PDE4D: variants seen among roughly 807,000 people sequenced by gnomAD.
The protein encoded by PDE4D is 3',5'-cyclic-AMP phosphodiesterase 4D.
A neutral mutation model predicts 87.4 loss-of-function variants in PDE4D; 24 were observed. The ratio of observed to expected loss-of-function variants is 0.27; its 90% confidence interval spans 0.20 to 0.39. The LOEUF is 0.39. Among genes scored for constraint, PDE4D ranks in the 10% least tolerant of loss-of-function variants. PDE4D has a pLI of 1.00. For synonymous variants in PDE4D, 384 were observed against 383.2 expected (o/e 1.00, Z -0.02); for missense variants, 714 against 1,041.0 (o/e 0.69, Z 4.32).
At chr5:59,371,755 G>C (rs1169434175) in intron 1 of PDE4D, among the ~76,000 whole-genome samples, 2 of 152,208 alleles carry the variant, frequency 1.3e-5, no homozygotes, top group Admixed American at 1.3e-4. Flanking sequence ...TATCTGGTGA[G>C]ACACAGTTAT....
At chr5:59,532,005 C>G (rs1026571093) in intron 1 of PDE4D, among the ~76,000 whole-genome samples, 4 of 152,124 alleles carry the variant, frequency 2.6e-5, no homozygotes, top group African/African-American at 9.7e-5. Context: ...CTTACAGCAG[C>G]ACCTGGTATA....
intron 1 of PDE4D, among the ~76,000 whole-genome samples, chr5:59,866,350 A>G (rs1445101319): frequency 6.6e-6 from 1 of 152,238 alleles, no homozygotes; most frequent in East Asian, 1.9e-4. Context: ...TAGTAAAAGA[A>G]ATAATGGTGT....
chr5:59,186,160 T>C (rs1377053687), intron 3 of PDE4D, among the ~76,000 whole-genome samples: 1 of 152,136 alleles, frequency 6.6e-6, no homozygotes, highest in Non-Finnish European at 1.5e-5. Context: ...GAGTGCTAAG[T>C]TTATGTAAAA....
chr5:60,050,243 C>A (rs1294463152), intron 2 of PDE4D, among the ~76,000 whole-genome samples: 1 of 152,154 alleles, frequency 6.6e-6, no homozygotes, highest in Admixed American at 6.5e-5. Context: ...TGCATGCACC[C>A]ACTGACCTGC....
chr5:59,126,142 AAAGGAAAAAAGGAAGGGAAGAAGGAAGG>A, intron 5 of PDE4D, among the ~76,000 whole-genome samples: 1 of 151,870 alleles, frequency 6.6e-6, no homozygotes, highest in East Asian at 1.9e-4. Context: ...AGCAAGGAAG[AAAGGAAAAAAGGAAGGGAAGAAGGAAGG>A]AAGGAAAAAA....
At chr5:59,117,983 T>C (rs1288563884) in intron 5 of PDE4D, among the ~76,000 whole-genome samples, 1 of 152,142 alleles carries the variant, frequency 6.6e-6, no homozygotes, top group Non-Finnish European at 1.5e-5. Context: ...GACTAAGTAA[T>C]TCATGACCTC....
intron 1 of PDE4D, among the ~76,000 whole-genome samples, chr5:59,523,102 T>A (rs1812519413): frequency 6.6e-6 from 1 of 152,212 alleles, no homozygotes; most frequent in Non-Finnish European, 1.5e-5. Flanking sequence ...TGGCTCACTA[T>A]CTTCTGCTTC....
chr5:59,523,881 C>T (rs1159030117), intron 1 of PDE4D, among the ~76,000 whole-genome samples: 1 of 152,144 alleles, frequency 6.6e-6, no homozygotes, highest in African/African-American at 2.4e-5. Context: ...TTTTCCCCTC[C>T]ACTCTGCACT....
rs182720631 is a variant in PDE4D at position 59,669,897 on chromosome 5, A to G, written c.455+223271T>C. Reference sequence around the variant, plus strand: ...TCAGTGCCACCATTTAAAACACAGCATTTTGGGCATGATTTCATTTAACCC... The same window carrying G: ...TCAGTGCCACCATTTAAAACACAGCGTTTTGGGCATGATTTCATTTAACCC... On this transcript the variant is annotated intron_variant, in intron 1 of 14. Coordinates refer to ENST00000340635, the MANE Select transcript of PDE4D (RefSeq NM_001104631.2). 3.5e-3 allele frequency among the ~76,000 whole-genome samples: 536 copies of G among 152,284 alleles called. 3 individuals carry two copies. Among genetic ancestry groups the G allele is most frequent in the African/African-American group, 0.012 (514 of 41,568 alleles).
At position 60,265,504 on chromosome 5, in the gene PDE4D, G is replaced by T. The variant is rs183733252; in HGVS notation, c.-89-79817C>A. ...AGGGAAATTTGTGGTCAGGCTGTCT[G>T]ATGAGCTCTTGGTTTTACCTTTTAC... On this transcript the variant is annotated intron_variant, in intron 1 of 16. Transcript: ENST00000502484. 3.9e-5 allele frequency among the ~76,000 whole-genome samples: 6 copies of T among 152,264 alleles called. No homozygotes were observed. In the East Asian group the frequency reaches 1.2e-3, roughly 29 times the overall value.
chr5:59,116,289 T>C (rs965543569), intron 5 of PDE4D, among the ~76,000 whole-genome samples: 1 of 152,158 alleles, frequency 6.6e-6, no homozygotes, highest in African/African-American at 2.4e-5. Context: ...AGGAAGCTCA[T>C]CCCTTGGATT....
chr5:59,735,915 T>G (rs1299039739), intron 1 of PDE4D, among the ~76,000 whole-genome samples: 1 of 152,192 alleles, frequency 6.6e-6, no homozygotes, highest in East Asian at 1.9e-4. Context: ...ATGATCCATC[T>G]GCCTCGGCCT....
At chr5:59,149,434 C>T (rs1038758025) in intron 5 of PDE4D, among the ~76,000 whole-genome samples, 17 of 152,088 alleles carry the variant, frequency 1.1e-4, no homozygotes, top group African/African-American at 3.9e-4. Flanking sequence ...ATTTAACTCC[C>T]AAACCGCAGA....
chr5:60,293,209 T>C (rs1336959310), intron 1 of PDE4D, among the ~76,000 whole-genome samples: 1 of 152,008 alleles, frequency 6.6e-6, no homozygotes, highest in Non-Finnish European at 1.5e-5. Context: ...TCCTGAACAC[T>C]GACTACCAAT....
chr5:60,296,849 C>G (rs1023764986), intron 1 of PDE4D, among the ~76,000 whole-genome samples: 4 of 152,040 alleles, frequency 2.6e-5, no homozygotes, highest in African/African-American at 7.2e-5. Flanking sequence ...GAACAGAAAA[C>G]CAAACACCAC....
chr5:59,070,715 T>C (rs1200290091), intron 5 of PDE4D, among the ~76,000 whole-genome samples: 2 of 152,208 alleles, frequency 1.3e-5, no homozygotes, highest in Non-Finnish European at 2.9e-5. Flanking sequence ...TTTGTTAGTT[T>C]CTTTGTTCCC....
At chr5:59,181,541 C>CATA (rs61135815) in intron 4 of PDE4D, among the ~76,000 whole-genome samples, 3,099 of 60,748 alleles carry the variant, frequency 0.051, 141 homozygotes, top group African/African-American at 0.1. Flanking sequence ...TCAAAGATGT[C>CATA]TGATATATAT....
chr5:59,478,845 C>T (rs1407770572), intron 1 of PDE4D, among the ~76,000 whole-genome samples: 1 of 152,010 alleles, frequency 6.6e-6, no homozygotes, highest in Admixed American at 6.6e-5. Flanking sequence ...CCACATTCAA[C>T]TAGAAAAGTA....
intron 1 of PDE4D, among the ~76,000 whole-genome samples, chr5:59,476,562 C>A (rs1803317713): frequency 6.6e-6 from 1 of 152,090 alleles, no homozygotes; most frequent in South Asian, 2.1e-4. Flanking sequence ...TTTACTCCCA[C>A]TGTAATTATT....
Sources: allele counts gnomAD v4.1 joint callset (sites outside exome capture counted in the v4.1 genomes callset), GRCh38; gene constraint gnomAD v4.1.1; transcripts MANE v1.5; gene names NCBI Gene and HGNC (gene_info 2026-07-23, HGNC 2026-07-21).